Variants in RPS6 observed in about 807,000 individuals in gnomAD.
The protein encoded by RPS6 is small ribosomal subunit protein eS6.
RPS6 carries 1 observed loss-of-function variant against 27.1 expected under a neutral mutation model. The observed-to-expected ratio is 0.04, with a 90% confidence interval of 0.01 to 0.18. RPS6 has a LOEUF of 0.18. Ranked by LOEUF, RPS6 falls within the 10% of genes least tolerant of loss-of-function variation. The pLI is 1.00. For synonymous variants in RPS6, 152 were observed against 106.0 expected (o/e 1.43, Z -2.66); for missense variants, 259 against 319.1 (o/e 0.81, Z 1.44).
Position 19,378,865 on chromosome 9 carries a change from C to T in RPS6, c.192G>A (p.Lys64=). The change falls in exon 3 of 6, where the codon AAG becomes AAA. Residue 64 remains lysine, a synonymous_variant. Coordinates refer to ENST00000380394, the MANE Select transcript of RPS6 (RefSeq NM_001010.3). ...GGNDKQGFPM[K]QGVLTHGRVR... Reference sequence around the variant, plus strand: ...CACGGCCATGGGTCAAGACACCCTGCTTCATGGGGAAACCTTGTTTGTCGT... The same window carrying T: ...CACGGCCATGGGTCAAGACACCCTGTTTCATGGGGAAACCTTGTTTGTCGT... 6.2e-7 allele frequency: 1 copy of T among 1,614,208 alleles called. No individual in the cohort carries two copies. Among genetic ancestry groups the T allele is most frequent in the African/African-American group, 1.3e-5 (1 of 75,042 alleles).
intron 1 of RPS6, 189 bp from the exon 2 acceptor site, chr9:19,379,807 A>T (rs996410052): frequency 7.0e-7 from 1 of 1,434,712 alleles, no homozygotes; most frequent in Non-Finnish European, 9.1e-7. Context: ...CGCCGCACTC[A>T]GCAGGACGTT....
In RPS6 at chr9:19,379,510, C is replaced by G. The variant is rs758793587; in HGVS notation, c.115G>C (p.Asp39His). Residue 39 changes from aspartate (D) to histidine (H), a missense_variant, in exon 2 of 6, where the codon GAC (aspartate) becomes CAC (histidine). Physicochemically the swap from Asp to His is moderately conservative, Grantham distance 81 (BLOSUM62 -1). Around this residue, in one of 3 missense-constraint regions of RPS6, gnomAD observed 65 missense variants for 66.6 expected, o/e 0.98. Coordinates refer to ENST00000380394, the MANE Select transcript of RPS6 (RefSeq NM_001010.3). ...EKRMATEVAA[D>H]ALGEEWKGYV... ...ACCTTCCATTCTTCACCCAGAGCGT[C>G]AGCAGCAACTTCTGTGGCCATACGC... 1 of 1,614,082 alleles carries G rather than the reference C, an allele frequency of 6.2e-7. No homozygotes were observed. The highest frequency in any genetic ancestry group is 8.5e-7 in the Non-Finnish European group (1 of 1,180,046).
rs548760851 is a variant in RPS6 at position 19,376,923 on chromosome 9, T to G, written c.497-272A>C. On this transcript the variant is annotated intron_variant, in intron 4 of 5. Coordinates refer to ENST00000380394, the MANE Select transcript of RPS6 (RefSeq NM_001010.3). ...ACCTTCCAGTTTTACTAAAATACAG[T>G]GGCATTATGTTAATATATAACTGTG... 9.6e-6 allele frequency: 3 copies of G among 313,876 alleles called. No individual in the cohort carries two copies. The East Asian group carries it at 1.9e-4, about 20-fold the overall frequency. The allele number at this position is 313,876 out of a possible 1,614,324, so 19.4% of individuals were successfully genotyped here.
Position 19,376,043 on chromosome 9 carries a change from GGCAGGTGTCTTAT to G in RPS6, c.*237_*249del, listed in dbSNP as rs1829575721. 1 of 375,276 alleles carries G rather than the reference GGCAGGTGTCTTAT, an allele frequency of 2.7e-6. No individual in the cohort carries two copies. The highest frequency in any genetic ancestry group is 4.8e-6 in the Non-Finnish European group (1 of 208,342). 23.2% of individuals were successfully genotyped at this position (375,276 alleles called of 1,614,324 possible). ...CCTAAGTTCCATGCCATTCTGAAGA[GGCAGGTGTCTTAT>G]GCTCAGAATCCCTTCCTGTGCCACC... On this transcript the variant is annotated 3_prime_UTR_variant, in exon 6 of 6. Transcript: ENST00000380394.
At chr9:19,377,512 A>G (rs1487678135) in intron 4 of RPS6, among the ~76,000 whole-genome samples, 2 of 151,926 alleles carry the variant, frequency 1.3e-5, no homozygotes, top group Non-Finnish European at 2.9e-5. Context: ...TAACAGACGT[A>G]TACTATCTAT....
At chr9:19,379,308 G>A (rs1829640259) in intron 2 of RPS6, 179 bp downstream of exon 2, 6 of 1,487,968 alleles carry the variant, frequency 4.0e-6, no homozygotes, top group Non-Finnish European at 5.4e-6. Flanking sequence ...ATATTTTATG[G>A]CTTACTCTAC....
At chr9:19,380,154 C>T (rs1404413927) in intron 1 of RPS6, 36 bp downstream of exon 1, 12 of 1,614,022 alleles carry the variant, frequency 7.4e-6, no homozygotes, top group African/African-American at 2.7e-5. Context: ...ATTCACGTTC[C>T]CCAAACCCAG....
At chr9:19,376,852 T>C (rs772760466) in intron 4 of RPS6, 6 of 472,224 alleles carry the variant, frequency 1.3e-5, no homozygotes, top group Non-Finnish European at 2.2e-5. Flanking sequence ...ATTATAAAAA[T>C]ATAAGGGAAA....
At position 19,375,789 on chromosome 9, in the gene RPS6, G is replaced by A. The variant is rs1337733490; in HGVS notation, c.*504C>T. On this transcript the variant is annotated 3_prime_UTR_variant, in exon 6 of 6. Transcript: ENST00000380394. Reference sequence around the variant, plus strand: ...AACAGCCTAACAATTCACTGGAGTTGAAAAGCTTTGTTAAAACAAATTTGA... The same window carrying A: ...AACAGCCTAACAATTCACTGGAGTTAAAAAGCTTTGTTAAAACAAATTTGA... 1 of 152,506 alleles carries A rather than the reference G, an allele frequency of 6.6e-6. No homozygotes were observed. The highest frequency in any genetic ancestry group is 6.5e-5 in the Admixed American group (1 of 15,358). The allele number at this position is 152,506 out of a possible 1,614,324, so 9.4% of individuals were successfully genotyped here. A position where few individuals can be genotyped will look rare whatever the true frequency, so the allele number is the denominator to read the frequency against.
intron 1 of RPS6, 81 bp from the exon 2 acceptor site, chr9:19,379,699 T>C (rs1829647858): frequency 2.6e-6 from 4 of 1,522,768 alleles, no homozygotes; most frequent in Non-Finnish European, 3.5e-6. Context: ...TTAATTCCAC[T>C]GCAAAAAGCC....
At chr9:19,376,716 A>ACGT in intron 4 of RPS6, 65 bp from the exon 5 acceptor site, 1 of 1,492,940 alleles carries the variant, frequency 6.7e-7, no homozygotes, top group East Asian at 2.3e-5. Context: ...CTACTTTAAA[A>ACGT]ACATCAGAAA....
At chr9:19,378,636 G>A (rs1829628370) in intron 3 of RPS6, 72 bp downstream of exon 3, 2 of 1,571,240 alleles carry the variant, frequency 1.3e-6, no homozygotes, top group African/African-American at 2.7e-5. Context: ...TCTGGATACT[G>A]CAAATGAATA....
rs1177388889 is a variant in RPS6 at position 19,376,601 on chromosome 9, G to A, written c.547C>T (p.Arg183Cys). The A allele has an allele frequency of 3.7e-6, 6 of 1,614,164 alleles. No homozygotes were observed. The South Asian group carries it at 4.4e-5, about 12-fold the overall frequency. The change falls in exon 5 of 6, where the codon CGT becomes TGT. Residue 183 changes from arginine (R) to cysteine (C), a missense_variant. Physicochemically the swap from Arg to Cys is radical, Grantham distance 180 (BLOSUM62 -3). This residue lies in a region of RPS6 where 191 missense variants were observed against 231.6 expected (regional missense o/e 0.82). Transcript: ENST00000380394. ...APKIQRLVTP[R>C]VLQHKRRRIA... ...CGCCGCCGTTTGTGCTGCAGGACAC[G>A]TGGAGTAACAAGACGCTGAATCTTG... is the stretch of plus-strand genomic sequence containing the variant.
chr9:19,380,169 A>C (rs757317851), intron 1 of RPS6, 21 bp downstream of exon 1: 2 of 1,614,074 alleles, frequency 1.2e-6, no homozygotes, highest in Non-Finnish European at 1.7e-6. Context: ...ACCCAGTCTA[A>C]CACTCGCCAC....
chr9:19,379,204 C>G, intron 2 of RPS6: 1 of 1,098,668 alleles, frequency 9.1e-7, no homozygotes, highest in East Asian at 2.6e-5. Flanking sequence ...AGATACAACC[C>G]TTTTTGGCAC....
chr9:19,379,553 A>G lies in RPS6; in HGVS notation c.72T>C (p.Leu24=). 1.2e-6 allele frequency: 2 copies of G among 1,614,202 alleles called. No individual in the cohort carries two copies. Among genetic ancestry groups the G allele is most frequent in the Admixed American group, 1.7e-5 (1 of 60,020 alleles). ...KLIEVDDERK[L]RTFYEKRMAT... ...CCATACGCTTCTCATAGAAAGTACG[A>G]AGTTTGCGTTCATCGTCCACTTCAA... Residue 24 remains leucine, a synonymous_variant, in exon 2 of 6, where the codon CTT becomes CTC. Transcript: ENST00000380394.
chr9:19,379,869 G>C, intron 1 of RPS6: 2 of 1,422,456 alleles, frequency 1.4e-6, no homozygotes, highest in Non-Finnish European at 1.8e-6. Context: ...CTCCGCAGCC[G>C]TTCACCCTCC....
At chr9:19,380,116 C>A in intron 1 of RPS6, 74 bp downstream of exon 1, 2 of 1,614,124 alleles carry the variant, frequency 1.2e-6, no homozygotes, top group Non-Finnish European at 1.7e-6. Flanking sequence ...AGTGCTGGAA[C>A]TGAGGCAATG....
At chr9:19,376,854 T>C in intron 4 of RPS6, 3 of 468,210 alleles carry the variant, frequency 6.4e-6, no homozygotes, top group South Asian at 4.0e-5. Context: ...TATAAAAATA[T>C]AAGGGAAACC....
Sources: allele counts gnomAD v4.1 joint callset (sites outside exome capture counted in the v4.1 genomes callset), GRCh38; gene constraint gnomAD v4.1.1; regional missense constraint gnomAD v4.1.1; transcripts MANE v1.5; gene names NCBI Gene and HGNC (gene_info 2026-07-23, HGNC 2026-07-21).